The following PEPD variants were observed in gnomAD, a reference collection of about 807,000 sequenced individuals.
PEPD encodes the protein peptidase D, also known as xaa-Pro dipeptidase.
In PEPD, 53 loss-of-function variants were observed where a neutral mutation model predicts 60.7. The ratio of observed to expected loss-of-function variants is 0.87; its 90% CI spans 0.70 to 1.10. The LOEUF is 1.10. Ranked by LOEUF, PEPD falls within the 50% of genes least tolerant of loss-of-function variation. PEPD has a pLI of 0.00. For missense variants in PEPD, 711 were observed against 711.9 expected (o/e 1.00, Z 0.01); for synonymous variants, 267 against 284.1 (o/e 0.94, Z 0.60).
chr19:33,401,308 G>C (rs1438556957), intron 12 of PEPD, among the ~76,000 whole-genome samples: 1 of 152,240 alleles, frequency 6.6e-6, no homozygotes, highest in Non-Finnish European at 1.5e-5. Context: ...CCAGAGGAGG[G>C]CTTTCCATCC....
chr19:33,496,860 A>G (rs761237136), intron 4 of PEPD, among the ~76,000 whole-genome samples: 1 of 152,190 alleles, frequency 6.6e-6, no homozygotes, highest in Non-Finnish European at 1.5e-5. Context: ...CACCTCCTGC[A>G]CTTTCCTAAC....
At chr19:33,507,115 A>C (rs1970829180) in intron 3 of PEPD, among the ~76,000 whole-genome samples, 1 of 151,698 alleles carries the variant, frequency 6.6e-6, no homozygotes, top group Non-Finnish European at 1.5e-5. Context: ...CATCTCTCAC[A>C]CAAGATGTGG....
rs1969849168 is a variant in PEPD, at chr19:33,458,279, G to C, written c.671+4716C>G. Among the ~76,000 whole-genome samples, 4 of 151,484 alleles carry C rather than the reference G, an allele frequency of 2.6e-5. No individual in the cohort carries two copies. In the South Asian group the frequency reaches 8.3e-4, roughly 32 times the overall value. On this transcript the variant is annotated intron_variant, in intron 9 of 14. Coordinates refer to ENST00000244137, the MANE Select transcript of PEPD (RefSeq NM_000285.4). ...TGGTGTGTAGGTGAATGTGGCATCA[G>C]ATGTGTGGTGAGTGTGGTGTGTAGG...
chr19:33,402,191 G>A lies in PEPD; in HGVS notation c.819-322C>T, dbSNP rs887872968. Among the ~76,000 whole-genome samples the A allele has an allele frequency of 2.0e-5, 3 of 152,216 alleles. 1 individual carries two copies. The highest frequency in any genetic ancestry group is 7.2e-5 in the African/African-American group (3 of 41,462). On this transcript the variant is annotated intron_variant, in intron 11 of 14. Coordinates refer to ENST00000244137, the MANE Select transcript of PEPD (RefSeq NM_000285.4). ...CACCCCTGTGGCCTGGCCTCCAAGA[G>A]CTCAGAGCCATGGAGAATTGTTTGG...
chr19:33,482,500 T>C (rs772339751), intron 6 of PEPD, among the ~76,000 whole-genome samples: 11 of 152,222 alleles, frequency 7.2e-5, no homozygotes, highest in Non-Finnish European at 1.6e-4. Flanking sequence ...GCATACTGAA[T>C]GGTAAAAGAC....
At chr19:33,453,317 A>AAAAAAAAATAAAT (rs1555762504) in intron 9 of PEPD, among the ~76,000 whole-genome samples, 116 of 148,750 alleles carry the variant, frequency 7.8e-4, no homozygotes, top group Non-Finnish European at 1.3e-3. Context: ...CTGTCATAAA[A>AAAAAAAAATAAAT]AAATAAATAA....
intron 12 of PEPD, among the ~76,000 whole-genome samples, chr19:33,396,614 A>T (rs1352051620): frequency 7.1e-6 from 1 of 140,944 alleles, no homozygotes; most frequent in Non-Finnish European, 1.5e-5. Context: ...TTGCTGTTCC[A>T]GGTTGATAGG....
chr19:33,482,684 T>C (rs1334874079), intron 6 of PEPD, among the ~76,000 whole-genome samples: 1 of 152,228 alleles, frequency 6.6e-6, no homozygotes, highest in Non-Finnish European at 1.5e-5. Flanking sequence ...ACTGAAAGCA[T>C]ATGTTCACAC....
At chr19:33,500,882 G>C in intron 4 of PEPD, 56 bp downstream of exon 4, 4 of 964,500 alleles carry the variant, frequency 4.1e-6, no homozygotes, top group Non-Finnish European at 6.8e-6. Flanking sequence ...GGAACTCCAG[G>C]AGTGGAAGGC....
At position 33,511,746 on chromosome 19, in the gene PEPD, G is replaced by A. The variant is rs189670265; in HGVS notation, c.202-591C>T. 9.2e-5 allele frequency among the ~76,000 whole-genome samples: 14 copies of A among 152,274 alleles called. No individual in the cohort carries two copies. In the East Asian group the frequency reaches 2.7e-3, roughly 29 times the overall value. On this transcript the variant is annotated intron_variant, in intron 2 of 14. Transcript: ENST00000244137. ...AATTTAGGAAATCGGTTTTTAAGCC[G>A]CAGAGTATTTAAACCTGGAGAAGCA...
rs541242076 is a variant in PEPD, at chr19:33,484,333, C to A, written c.503+5663G>T. The stretch of plus-strand genomic sequence containing the variant: ...CCAATCTACTCAGCAGCCAAACACA[C>A]CACCACCATTTCATCTTACTCAACG... On this transcript the variant is annotated intron_variant, in intron 6 of 14. Transcript: ENST00000244137. 4.6e-5 allele frequency among the ~76,000 whole-genome samples: 7 copies of A among 152,340 alleles called. No homozygotes were observed. The East Asian group carries it at 1.4e-3, about 29-fold the overall frequency.
In PEPD at chr19:33,500,621, G is replaced by A. The variant is rs755659617; in HGVS notation, c.393+317C>T. On this transcript the variant is annotated intron_variant, in intron 4 of 14. Coordinates refer to ENST00000244137, the MANE Select transcript of PEPD (RefSeq NM_000285.4). ...GCCCAGCCTTGTGGTGACTTAGACC[G>A]TGTGCCACCGCTGCAGGCAGGCCCG... 1.1e-4 allele frequency among the ~76,000 whole-genome samples: 16 copies of A among 152,204 alleles called. No individual in the cohort carries two copies. In the East Asian group the frequency reaches 1.2e-3, roughly 11 times the overall value.
At position 33,387,210 on chromosome 19, in the gene PEPD, C is replaced by G; in HGVS notation, c.*134G>C. 9.4e-7 allele frequency: 1 copy of G among 1,058,300 alleles called. No homozygotes were observed. Among genetic ancestry groups the G allele is most frequent in the Non-Finnish European group, 1.4e-6 (1 of 703,586 alleles). The allele number at this position is 1,058,300 out of a possible 1,614,324, so 65.6% of individuals were successfully genotyped here. A position where few individuals can be genotyped will look rare whatever the true frequency, so the allele number is the denominator to read the frequency against. ...TCCCCGGGAAACAGCACTGTTTGGT[C>G]TGATCAAATGCCGAAGCTGGGATCT... On this transcript the variant is annotated 3_prime_UTR_variant, in exon 15 of 15. Coordinates refer to ENST00000244137, the MANE Select transcript of PEPD (RefSeq NM_000285.4).
chr19:33,399,268 C>T (rs1037235911), intron 12 of PEPD, among the ~76,000 whole-genome samples: 8 of 152,220 alleles, frequency 5.3e-5, no homozygotes, highest in Non-Finnish European at 1.0e-4. Context: ...AAGTGTGAGC[C>T]ACAGAGCCCG....
At position 33,497,388 on chromosome 19, in the gene PEPD, C is replaced by CT. The variant is rs968070607; in HGVS notation, c.393+3549dup. Among the ~76,000 whole-genome samples, 131 of 152,406 alleles carry CT rather than the reference C, an allele frequency of 8.6e-4. 1 individual carries two copies. The highest frequency in any genetic ancestry group is 3.0e-3 in the African/African-American group (123 of 41,610). On this transcript the variant is annotated intron_variant, in intron 4 of 14. Transcript: ENST00000244137. ...GCTCTCAGCCGGTGATCCCGCCAGC[C>CT]TTTGCACAGGGCCTTCACGGCAGAG...
chr19:33,442,299 TG>T (rs1568473266), intron 9 of PEPD, among the ~76,000 whole-genome samples: 2 of 150,372 alleles, frequency 1.3e-5, no homozygotes, highest in African/African-American at 4.9e-5. Context: ...CCCAGCTACT[TG>T]GGAGGCTGAG....
At chr19:33,446,920 A>G (rs1002877891) in intron 9 of PEPD, among the ~76,000 whole-genome samples, 16 of 152,206 alleles carry the variant, frequency 1.1e-4, no homozygotes, top group African/African-American at 3.9e-4. Flanking sequence ...GACAGTAAGA[A>G]AGTAAAACAG....
chr19:33,429,989 G>A (rs975999944), intron 9 of PEPD, among the ~76,000 whole-genome samples: 5 of 152,202 alleles, frequency 3.3e-5, no homozygotes, highest in African/African-American at 9.7e-5. Flanking sequence ...GGCCTGGGTG[G>A]GCACACCGGC....
At chr19:33,511,500 GGCA>G in intron 2 of PEPD, 1 of 361,138 alleles carries the variant, frequency 2.8e-6, no homozygotes, top group East Asian at 6.9e-5. Context: ...CGTGCAGGCA[GGCA>G]AGACGCCCCC....
Sources: allele counts gnomAD v4.1 joint callset (sites outside exome capture counted in the v4.1 genomes callset), GRCh38; gene constraint gnomAD v4.1.1; transcripts MANE v1.5; gene names NCBI Gene and HGNC (gene_info 2026-07-23, HGNC 2026-07-21).